The following ERC1 variants were observed in gnomAD, a reference collection of about 807,000 sequenced individuals.
ERC1 encodes the protein RAB6 interacting protein 2.
A neutral mutation model predicts 132.0 loss-of-function variants in ERC1; 56 were observed. That is an observed-to-expected ratio of 0.42 (90% CI 0.34 to 0.53). The LOEUF is 0.53. Ranked by LOEUF, ERC1 falls within the 20% of genes least tolerant of loss-of-function variation. ERC1 has a pLI of 0.03. For missense variants in ERC1, 1,202 were observed against 1,349.9 expected, an observed-to-expected ratio of 0.89 and a Z score of 1.72; for synonymous variants, 478 against 476.1, an observed-to-expected ratio of 1.00 and a Z score of -0.05.
chr12:1,069,168 G>T (rs908986437), intron 2 of ERC1, among the ~76,000 whole-genome samples: 5 of 152,088 alleles, frequency 3.3e-5, no homozygotes, highest in African/African-American at 9.7e-5. Context: ...CATTTGTGGG[G>T]TTTTTTTGTT....
chr12:1,468,495 G>C (rs2093791883), intron 18 of ERC1, among the ~76,000 whole-genome samples: 1 of 152,124 alleles, frequency 6.6e-6, no homozygotes, highest in African/African-American at 2.4e-5. Context: ...CCAGCTACTT[G>C]GAAGGCTGAG....
At chr12:1,406,080 G>C (rs570581253) in intron 16 of ERC1, among the ~76,000 whole-genome samples, 1 of 152,052 alleles carries the variant, frequency 6.6e-6, no homozygotes, top group African/African-American at 2.4e-5. Flanking sequence ...TCAGTTTTAC[G>C]CCAGACACCT....
In ERC1 at chr12:1,353,151, C is replaced by T. The variant is rs552206328; in HGVS notation, c.2781-18682C>T. On this transcript the variant is annotated intron_variant, in intron 15 of 18. Coordinates refer to ENST00000360905, the MANE Select transcript of ERC1 (RefSeq NM_178040.4). ...GTTCACACCATTCTCCTGCCTCAGC[C>T]TCCCGAGTAGCTGGGACTACAGGCG... 2.0e-5 allele frequency among the ~76,000 whole-genome samples: 3 copies of T among 151,968 alleles called. No individual in the cohort carries two copies. The South Asian group carries it at 6.2e-4, about 32-fold the overall frequency.
intron 15 of ERC1, among the ~76,000 whole-genome samples, chr12:1,326,327 C>A (rs2082440720): frequency 6.6e-6 from 1 of 152,116 alleles, no homozygotes; most frequent in African/African-American, 2.4e-5. Context: ...TGCATTAAGT[C>A]CCATTATTTC....
intron 17 of ERC1, among the ~76,000 whole-genome samples, chr12:1,438,130 T>C (rs1592057101): frequency 6.6e-6 from 1 of 152,340 alleles, no homozygotes; most frequent in Middle Eastern, 3.4e-3. Context: ...AAAATAGCTG[T>C]GTTTAAATAA....
At chr12:1,241,133 A>G (rs1192473885) in intron 13 of ERC1, among the ~76,000 whole-genome samples, 1 of 152,186 alleles carries the variant, frequency 6.6e-6, no homozygotes, top group Non-Finnish European at 1.5e-5. Flanking sequence ...CCAAAGATGA[A>G]CTAATTTATA....
At chr12:1,022,974 C>T (rs1375615390) in intron 1 of ERC1, among the ~76,000 whole-genome samples, 3 of 152,126 alleles carry the variant, frequency 2.0e-5, no homozygotes, top group South Asian at 4.1e-4. Flanking sequence ...TTCTTCCTGC[C>T]GCCATGTGAA....
At chr12:1,470,348 G>A (rs2093834498) in intron 18 of ERC1, among the ~76,000 whole-genome samples, 1 of 152,000 alleles carries the variant, frequency 6.6e-6, no homozygotes, top group Non-Finnish European at 1.5e-5. Flanking sequence ...CTTTGTGCTG[G>A]TTTAGCACTT....
At chr12:1,320,544 C>T (rs1053408974) in intron 15 of ERC1, among the ~76,000 whole-genome samples, 1 of 152,100 alleles carries the variant, frequency 6.6e-6, no homozygotes, top group African/African-American at 2.4e-5. Flanking sequence ...TTCAATGCTA[C>T]AGAATTTTAA....
At chr12:1,177,308 C>T (rs557512169) in intron 8 of ERC1, among the ~76,000 whole-genome samples, 1 of 152,336 alleles carries the variant, frequency 6.6e-6, no homozygotes, top group South Asian at 2.1e-4. Flanking sequence ...GCCTAGCTTT[C>T]AGCCTGTCTT....
intron 7 of ERC1, among the ~76,000 whole-genome samples, chr12:1,131,543 G>A (rs539274298): frequency 9.9e-4 from 150 of 152,174 alleles, no homozygotes; most frequent in African/African-American, 3.5e-3. Context: ...CACACTGCAA[G>A]CTCCACCTCC....
chr12:1,008,067 G>A (rs1278238797), intron 1 of ERC1, among the ~76,000 whole-genome samples: 4 of 152,124 alleles, frequency 2.6e-5, no homozygotes, highest in Non-Finnish European at 1.5e-5. Context: ...AAGAACTTTG[G>A]TTCCACAGTA....
chr12:1,179,500 CTTTTTTTTTTTTTTTTT>C (rs58317880), intron 8 of ERC1, among the ~76,000 whole-genome samples: 1 of 95,758 alleles, frequency 1.0e-5, no homozygotes, highest in Admixed American at 1.4e-4. Context: ...ATTCATTTTT[CTTTTTTTTTTTTTTTTT>C]TTTTTTTTGA....
At chr12:1,095,519 A>G (rs1943911643) in intron 3 of ERC1, among the ~76,000 whole-genome samples, 1 of 152,206 alleles carries the variant, frequency 6.6e-6, no homozygotes, top group Non-Finnish European at 1.5e-5. Flanking sequence ...ATTTGAAAGT[A>G]TATTATAGCA....
intron 17 of ERC1, among the ~76,000 whole-genome samples, chr12:1,427,907 G>A (rs2092686715): frequency 6.6e-6 from 1 of 152,178 alleles, no homozygotes; most frequent in South Asian, 2.1e-4. Context: ...ATTTGGGGTA[G>A]AACCTTTTAC....
At chr12:1,342,483 CAAAA>C (rs1164138794) in intron 15 of ERC1, among the ~76,000 whole-genome samples, 337 of 127,920 alleles carry the variant, frequency 2.6e-3, no homozygotes, top group African/African-American at 8.8e-3. Context: ...AAAAAAAAAA[CAAAA>C]AAAAGATAAA....
intron 7 of ERC1, among the ~76,000 whole-genome samples, chr12:1,134,750 CAT>C (rs1366895607): frequency 6.6e-5 from 9 of 135,660 alleles, no homozygotes; most frequent in Admixed American, 2.3e-4. Context: ...TTTTTTGAGA[CAT>C]AGTTTTGCTC....
chr12:1,035,880 C>T (rs1231993129), intron 2 of ERC1, among the ~76,000 whole-genome samples: 6 of 151,560 alleles, frequency 4.0e-5, no homozygotes, highest in African/African-American at 7.3e-5. Flanking sequence ...TGAGATCGCA[C>T]CACTGCACTC....
At chr12:1,167,141 G>T (rs1329766090) in intron 8 of ERC1, among the ~76,000 whole-genome samples, 2 of 152,174 alleles carry the variant, frequency 1.3e-5, no homozygotes, top group Non-Finnish European at 2.9e-5. Context: ...CAATAAGGAA[G>T]GGTCAGATCC....
Sources: allele counts gnomAD v4.1 joint callset (sites outside exome capture counted in the v4.1 genomes callset), GRCh38; gene constraint gnomAD v4.1.1; transcripts MANE v1.5; gene names NCBI Gene and HGNC (gene_info 2026-07-23, HGNC 2026-07-21).